HIP1R: variants seen among roughly 807,000 people sequenced by gnomAD.
HIP1R encodes huntingtin-interacting protein 1-related protein.
HIP1R carries 135 observed loss-of-function variants against 144.2 expected under a neutral mutation model. The observed-to-expected ratio is 0.94, with a 90% CI of 0.81 to 1.08. The LOEUF (loss-of-function observed/expected upper bound fraction) is 1.08, where lower values mean the gene tolerates loss of function less well. Ranked by LOEUF, HIP1R falls within the 50% of genes least tolerant of loss-of-function variation. The probability of loss-of-function intolerance (pLI) is 0.00; values close to 1 mark genes in which losing one functional copy is unlikely to be tolerated. For missense variants in HIP1R, 1,462 were observed against 1,432.8 expected, an observed-to-expected ratio of 1.02 and a Z score of -0.33; for synonymous variants, 698 against 612.8, an observed-to-expected ratio of 1.14 and a Z score of -2.05.
intron 3 of HIP1R, 83 bp from the exon 4 acceptor site, chr12:122,848,713 C>T (rs1302622688): frequency 2.9e-5 from 46 of 1,598,040 alleles, no homozygotes; most frequent in Non-Finnish European, 3.8e-5. Context: ...CTGTTCCTCC[C>T]GCCTCGGGTG....
intron 4 of HIP1R, among the ~76,000 whole-genome samples, chr12:122,849,580 G>A (rs935408404): frequency 3.9e-5 from 6 of 152,266 alleles, no homozygotes; most frequent in South Asian, 2.1e-4. Flanking sequence ...CCAGGCGCCC[G>A]TCGGGACGTG....
chr12:122,856,975 G>A lies in HIP1R; in HGVS notation c.1621-46G>A, dbSNP rs75015202. 893 of 1,403,596 alleles carry A rather than the reference G, an allele frequency of 6.4e-4. 8 individuals are homozygous for A. The African/African-American group carries it at 0.011, about 18-fold the overall frequency. The allele number at this position is 1,403,596 out of a possible 1,614,324, so 86.9% of individuals were successfully genotyped here. Reference sequence around the variant, plus strand: ...TAAGCGTGGGGGCAGGGTGGGTGGGGCCTGGGAGCTCTGTTCACATGCCTG... The same window carrying A: ...TAAGCGTGGGGGCAGGGTGGGTGGGACCTGGGAGCTCTGTTCACATGCCTG... On this transcript the variant is annotated intron_variant, in intron 17 of 31. Transcript: ENST00000253083.
chr12:122,859,912 T>C, intron 24 of HIP1R, 82 bp downstream of exon 24: 1 of 1,497,414 alleles, frequency 6.7e-7, no homozygotes, highest in Non-Finnish European at 9.1e-7. Context: ...ACTGTTCTGC[T>C]CACGGGAAAG....
chr12:122,858,684 T>C (rs1291996484), intron 20 of HIP1R, 154 bp from the exon 21 acceptor site: 3 of 683,476 alleles, frequency 4.4e-6, no homozygotes, highest in Non-Finnish European at 7.8e-6. Flanking sequence ...CCACACACAC[T>C]GTGGTGTGGT....
At position 122,861,873 on chromosome 12, in the gene HIP1R, A is replaced by C; in HGVS notation, c.*120A>C. The C allele has an allele frequency of 1.1e-6, 1 of 898,226 alleles. No homozygotes were observed. Among genetic ancestry groups the C allele is most frequent in the Non-Finnish European group, 1.7e-6 (1 of 578,278 alleles). The allele number at this position is 898,226 out of a possible 1,614,324, so 55.6% of individuals were successfully genotyped here. Reference sequence around the variant, plus strand: ...CCAAGCCTCCCGCCCCACCGTCTGGATCAATGTCCTCAAGGCCCCTGGCCC... The same window carrying C: ...CCAAGCCTCCCGCCCCACCGTCTGGCTCAATGTCCTCAAGGCCCCTGGCCC... On this transcript the variant is annotated 3_prime_UTR_variant, in exon 32 of 32. Coordinates refer to ENST00000253083, the MANE Select transcript of HIP1R (RefSeq NM_003959.3).
intron 4 of HIP1R, among the ~76,000 whole-genome samples, chr12:122,849,256 G>C (rs1175353428): frequency 2.0e-5 from 3 of 152,270 alleles, no homozygotes; most frequent in Non-Finnish European, 4.4e-5. Context: ...GCCCTGGGGG[G>C]CCTGCAATCT....
At chr12:122,837,821 C>T (rs1053807993) in intron 1 of HIP1R, among the ~76,000 whole-genome samples, 5 of 152,152 alleles carry the variant, frequency 3.3e-5, no homozygotes, top group African/African-American at 1.2e-4. Flanking sequence ...AGGTTTTGTA[C>T]GTGGTTAATA....
chr12:122,858,125 G>A lies in HIP1R; in HGVS notation c.1839G>A (p.Arg613=). The change falls in exon 19 of 32, where the codon CGG becomes CGA. Residue 613 remains arginine (R), a synonymous_variant. Coordinates refer to ENST00000253083, the MANE Select transcript of HIP1R (RefSeq NM_003959.3). ...AGGAGTCTCAGGAGCAGGGGCTGCG[G>A]CAGAGGCTGCTGGACGAGCAGTTCG... The part of the protein sequence containing the change: ...AERESQEQGL[R]QRLLDEQFAV... 1.3e-6 allele frequency: 2 copies of A among 1,594,732 alleles called. No individual in the cohort carries two copies. The highest frequency in any genetic ancestry group is 1.7e-6 in the Non-Finnish European group (2 of 1,172,948).
intron 8 of HIP1R, among the ~76,000 whole-genome samples, chr12:122,854,500 G>A (rs2033501859): frequency 6.6e-6 from 1 of 152,190 alleles, no homozygotes; most frequent in African/African-American, 2.4e-5. Flanking sequence ...AGCGCAAAAA[G>A]GCAAAAGGTG....
intron 16 of HIP1R, 27 bp downstream of exon 16, chr12:122,856,575 GC>G: frequency 6.3e-7 from 1 of 1,597,880 alleles, no homozygotes; most frequent in Non-Finnish European, 8.5e-7. Flanking sequence ...ACAGGGCCCT[GC>G]CCCGGCATCC....
intron 7 of HIP1R, 98 bp downstream of exon 7, chr12:122,851,395 T>C (rs1419366212): frequency 4.0e-6 from 4 of 1,002,258 alleles, no homozygotes; most frequent in Non-Finnish European, 5.6e-6. Context: ...TCAGACCAAC[T>C]GATCACTATG....
chr12:122,848,376 C>G, intron 2 of HIP1R, 90 bp from the exon 3 acceptor site: 1 of 1,485,004 alleles, frequency 6.7e-7, no homozygotes, highest in South Asian at 1.3e-5. Context: ...GGGGGCCGGC[C>G]CTCTTCCGGC....
rs548351313 is a variant in HIP1R at position 122,861,456 on chromosome 12, C to A, written c.3101C>A (p.Thr1034Asn). The A allele has an allele frequency of 3.5e-5, 57 of 1,613,444 alleles. No homozygotes were observed. The South Asian group carries it at 5.6e-4, about 16-fold the overall frequency. ...CCCAGCACTGCCCCCCGAAGTGTAACCACCAAGAAACCACCCCTGGCCCAG... is the reference window on the plus strand; with the variant it reads ...CCCAGCACTGCCCCCCGAAGTGTAAACACCAAGAAACCACCCCTGGCCCAG... ...IRPSTAPRSV[T>N]TKKPPLAQKP... Residue 1034 changes from threonine (T) to asparagine (N), a missense_variant, in exon 31 of 32, where the codon ACC becomes AAC. This residue lies in a region of HIP1R where 1,112 missense variants were observed against 1,011.7 expected (regional missense o/e 1.10). Coordinates refer to ENST00000253083, the MANE Select transcript of HIP1R (RefSeq NM_003959.3).
intron 1 of HIP1R, 53 bp downstream of exon 1, chr12:122,835,696 C>T (rs1247428059): frequency 7.6e-6 from 8 of 1,054,014 alleles, no homozygotes; most frequent in Non-Finnish European, 9.2e-6. Context: ...GGCGGGCAAG[C>T]GGCGTCCCTG....
chr12:122,859,996 G>C (rs371006222), intron 24 of HIP1R, 51 bp from the exon 25 acceptor site: 5 of 1,526,730 alleles, frequency 3.3e-6, no homozygotes, highest in Admixed American at 4.0e-5. Context: ...CCATGGCGTC[G>C]TGTGGGCTGC....
intron 27 of HIP1R, 22 bp downstream of exon 27, chr12:122,860,545 G>T (rs754132063): frequency 6.4e-7 from 1 of 1,574,230 alleles, no homozygotes; most frequent in Non-Finnish European, 8.7e-7. Flanking sequence ...TGGGTGGGGG[G>T]GGGCAGGGGG....
chr12:122,856,808 C>A, intron 17 of HIP1R, 82 bp downstream of exon 17: 2 of 1,260,408 alleles, frequency 1.6e-6, no homozygotes, highest in Non-Finnish European at 2.2e-6. Context: ...CGTGAACAGG[C>A]CCCACCTGGG....
At chr12:122,845,944 C>T (rs889263266) in intron 1 of HIP1R, among the ~76,000 whole-genome samples, 9 of 152,234 alleles carry the variant, frequency 5.9e-5, no homozygotes, top group African/African-American at 1.9e-4. Flanking sequence ...ATCTCAGCCC[C>T]ATCCCGGGGT....
rs1337606345 is a variant in HIP1R, at chr12:122,840,934, C to G, written c.93+5291C>G. On this transcript the variant is annotated intron_variant, in intron 1 of 31. Coordinates refer to ENST00000253083, the MANE Select transcript of HIP1R (RefSeq NM_003959.3). This position sits in a 1 kb window ranked among gnomAD's most constrained non-coding sequence, Gnocchi z 4.2. ...GCGCAGACGAGGCCCCTTCTCTGACCTGATCCAGAAGCCAGCCTCCCAGCC... is the reference window on the plus strand; with the variant it reads ...GCGCAGACGAGGCCCCTTCTCTGACGTGATCCAGAAGCCAGCCTCCCAGCC... 1.3e-5 allele frequency among the ~76,000 whole-genome samples: 2 copies of G among 152,216 alleles called. No individual in the cohort carries two copies. Among genetic ancestry groups the G allele is most frequent in the Admixed American group, 6.5e-5 (1 of 15,288 alleles).
Sources: gnomAD v4.1 joint callset for allele counts (sites outside exome capture counted in the v4.1 genomes callset) on GRCh38, gnomAD v4.1.1 for gene constraint, gnomAD v4.1.1 regional missense constraint, Gnocchi (gnomAD v3.1) non-coding constraint, MANE v1.5 for transcripts, NCBI Gene and HGNC (gene_info 2026-07-23, HGNC 2026-07-21) for gene names.